CHRNA7: variants seen among roughly 807,000 people sequenced by gnomAD.
CHRNA7 encodes cholinergic receptor nicotinic alpha 7 subunit.
In CHRNA7, 17 loss-of-function variants were observed where a neutral mutation model predicts 48.0. The ratio of observed to expected loss-of-function variants is 0.35; its 90% CI spans 0.24 to 0.53. CHRNA7 has a LOEUF of 0.53. Among genes scored for constraint, CHRNA7 ranks in the 20% least tolerant of loss-of-function variants. The pLI is 0.92. For missense variants in CHRNA7, 155 were observed against 577.7 expected (o/e 0.27, Z 7.50); for synonymous variants, 75 against 242.3 (o/e 0.31, Z 6.41).
At chr15:32,052,960 G>C (rs1160132120) in intron 2 of CHRNA7, among the ~76,000 whole-genome samples, 1 of 152,176 alleles carries the variant, frequency 6.6e-6, no homozygotes, top group South Asian at 2.1e-4. Context: ...CACATTGTCT[G>C]TGGGTATCAA....
chr15:32,088,589 A>G (rs1207922686), intron 2 of CHRNA7, among the ~76,000 whole-genome samples: 1 of 152,172 alleles, frequency 6.6e-6, no homozygotes, highest in East Asian at 1.9e-4. Flanking sequence ...TCCTCCCAGC[A>G]ATTGGTAATG....
At chr15:32,074,275 T>C (rs2050102182) in intron 2 of CHRNA7, among the ~76,000 whole-genome samples, 1 of 149,938 alleles carries the variant, frequency 6.7e-6, no homozygotes, top group African/African-American at 2.4e-5. Context: ...GCCAGTGTTA[T>C]TTCTTTCCTT....
intron 4 of CHRNA7, among the ~76,000 whole-genome samples, chr15:32,114,077 C>CATATATATAT (rs781409368): frequency 6.2e-4 from 58 of 93,818 alleles, no homozygotes; most frequent in East Asian, 1.2e-3. Flanking sequence ...TATATATATA[C>CATATATATAT]ACATACATAC....
intron 4 of CHRNA7, among the ~76,000 whole-genome samples, chr15:32,135,512 A>G (rs1384198532): frequency 9.8e-5 from 15 of 152,336 alleles, no homozygotes; most frequent in Admixed American, 9.8e-4. Flanking sequence ...GAACTTCCGC[A>G]TCTATCAGCT....
At chr15:32,052,510 C>T (rs2049708427) in intron 2 of CHRNA7, among the ~76,000 whole-genome samples, 1 of 152,094 alleles carries the variant, frequency 6.6e-6, no homozygotes, top group Non-Finnish European at 1.5e-5. Flanking sequence ...GAGGGTAGAT[C>T]ACAAGGTCAA....
At chr15:32,050,189 G>A (rs2049641366) in intron 2 of CHRNA7, among the ~76,000 whole-genome samples, 1 of 152,088 alleles carries the variant, frequency 6.6e-6, no homozygotes, top group African/African-American at 2.4e-5. Flanking sequence ...GTGAATGTTG[G>A]CCTGCCTTGC....
At chr15:32,082,416 T>C (rs1375030055) in intron 2 of CHRNA7, among the ~76,000 whole-genome samples, 1 of 152,128 alleles carries the variant, frequency 6.6e-6, no homozygotes, top group African/African-American at 2.4e-5. Context: ...GTAATTTCTA[T>C]TCTATCTTTG....
At chr15:32,075,835 T>C (rs1226787840) in intron 2 of CHRNA7, among the ~76,000 whole-genome samples, 1 of 152,050 alleles carries the variant, frequency 6.6e-6, no homozygotes, top group Non-Finnish European at 1.5e-5. Flanking sequence ...GCATTTATTA[T>C]TGTAAATTTC....
At chr15:32,089,426 C>CT (rs1261454355) in intron 2 of CHRNA7, among the ~76,000 whole-genome samples, 1 of 151,960 alleles carries the variant, frequency 6.6e-6, no homozygotes, top group African/African-American at 2.4e-5. Context: ...CGCTTTCTTT[C>CT]TTTTTTCTTT....
Position 32,137,573 on chromosome 15 carries a change from AT to A in CHRNA7, c.351-16333del, listed in dbSNP as rs1336237363. On this transcript the variant is annotated intron_variant, in intron 4 of 9. Coordinates refer to ENST00000306901, the MANE Select transcript of CHRNA7 (RefSeq NM_000746.6). ...TGATAGTGTAACAAGGGGAAAAAAA[AT>A]GTAAGTATGTAGGAGTTTTGAACAA... Among the ~76,000 whole-genome samples the A allele has an allele frequency of 2.6e-5, 4 of 152,236 alleles. No individual in the cohort carries two copies. The East Asian group carries it at 5.8e-4, about 22-fold the overall frequency.
chr15:32,106,498 C>T (rs1365966250), intron 3 of CHRNA7, among the ~76,000 whole-genome samples: 1 of 152,190 alleles, frequency 6.6e-6, no homozygotes, highest in Non-Finnish European at 1.5e-5. Context: ...GAGGCTTCAT[C>T]TCTCTGTTCA....
chr15:32,060,903 G>A (rs1044853377), intron 2 of CHRNA7, among the ~76,000 whole-genome samples: 8 of 152,280 alleles, frequency 5.3e-5, no homozygotes, highest in African/African-American at 7.2e-5. Flanking sequence ...ATCAGAGTCC[G>A]AGAGGAGGAC....
intron 2 of CHRNA7, among the ~76,000 whole-genome samples, chr15:32,079,034 G>A (rs1440966682): frequency 5.3e-5 from 8 of 152,100 alleles, no homozygotes. Flanking sequence ...CACATACACA[G>A]AACTAAAGAC....
chr15:32,135,299 A>T (rs1253351567), intron 4 of CHRNA7, among the ~76,000 whole-genome samples: 1 of 152,260 alleles, frequency 6.6e-6, no homozygotes, highest in Non-Finnish European at 1.5e-5. Context: ...AGATATAAAA[A>T]TGAGCATGTT....
At chr15:32,122,862 G>A (rs571662061) in intron 4 of CHRNA7, among the ~76,000 whole-genome samples, 2 of 133,188 alleles carry the variant, frequency 1.5e-5, no homozygotes, top group South Asian at 4.5e-4. Flanking sequence ...CATGATAAAG[G>A]CAAAACCCTT....
At chr15:32,141,554 G>A (rs1217597333) in intron 4 of CHRNA7, among the ~76,000 whole-genome samples, 1 of 152,194 alleles carries the variant, frequency 6.6e-6, no homozygotes, top group Non-Finnish European at 1.5e-5. Context: ...CTATCCATGA[G>A]CATGGAATGC....
intron 4 of CHRNA7, among the ~76,000 whole-genome samples, chr15:32,150,108 G>A (rs1451526421): frequency 6.6e-6 from 1 of 152,158 alleles, no homozygotes; most frequent in Non-Finnish European, 1.5e-5. Context: ...CTGGAGGACA[G>A]TGGTGCAAAC....
intron 2 of CHRNA7, among the ~76,000 whole-genome samples, chr15:32,038,170 C>T (rs1249928684): frequency 1.4e-5 from 2 of 145,912 alleles, no homozygotes; most frequent in Non-Finnish European, 3.0e-5. Flanking sequence ...TATTTATTTA[C>T]ATTTATATAA....
chr15:32,150,917 C>T (rs1251380350), intron 4 of CHRNA7, among the ~76,000 whole-genome samples: 2 of 151,902 alleles, frequency 1.3e-5, no homozygotes, highest in African/African-American at 4.8e-5. Context: ...ACCTCCTCCT[C>T]TCTCTTTCCC....
Sources: allele counts gnomAD v4.1 joint callset (sites outside exome capture counted in the v4.1 genomes callset), GRCh38; gene constraint gnomAD v4.1.1; transcripts MANE v1.5; gene names NCBI Gene and HGNC (gene_info 2026-07-23, HGNC 2026-07-21).